PDE11A: variants seen among roughly 807,000 people sequenced by gnomAD.
PDE11A encodes dual 3',5'-cyclic-AMP and -GMP phosphodiesterase 11A.
Under a neutral mutation model 100.5 loss-of-function variants are expected in PDE11A, and 100 were observed. That is an observed-to-expected ratio of 1.00 (90% CI 0.85 to 1.18). The LOEUF (loss-of-function observed/expected upper bound fraction) is 1.18. PDE11A is among the 50% of genes most tolerant of loss of function. The probability of loss-of-function intolerance (pLI) is 0.00; values close to 1 mark genes in which losing one functional copy is unlikely to be tolerated. For synonymous variants in PDE11A, 381 were observed against 420.8 expected (o/e 0.91, Z 1.16); for missense variants, 1,141 against 1,152.6 (o/e 0.99, Z 0.15).
intron 2 of PDE11A, among the ~76,000 whole-genome samples, chr2:177,958,337 A>T (rs2085591994): frequency 6.6e-6 from 1 of 152,240 alleles, no homozygotes; most frequent in Non-Finnish European, 1.5e-5. Context: ...AGGCCATCCC[A>T]AGAATAGTGC....
chr2:177,785,361 C>G (rs1032157644), intron 9 of PDE11A, among the ~76,000 whole-genome samples: 1 of 149,590 alleles, frequency 6.7e-6, no homozygotes, highest in African/African-American at 2.5e-5. Flanking sequence ...AATCAAATAG[C>G]AAGTTATGTT....
At chr2:178,062,838 C>G (rs1257829672) in intron 1 of PDE11A, among the ~76,000 whole-genome samples, 5 of 151,916 alleles carry the variant, frequency 3.3e-5, no homozygotes, top group Non-Finnish European at 7.4e-5. Flanking sequence ...TCATCATTTC[C>G]AAACACAAAA....
chr2:178,075,983 C>A (rs941664143), upstream of PDE11A, among the ~76,000 whole-genome samples: 1 of 152,132 alleles, frequency 6.6e-6, no homozygotes, highest in South Asian at 2.1e-4. Flanking sequence ...CTAATTCCAT[C>A]GAAACTATCT....
intron 2 of PDE11A, among the ~76,000 whole-genome samples, chr2:177,981,117 A>T (rs184946356): frequency 3.3e-5 from 5 of 150,672 alleles, no homozygotes; most frequent in African/African-American, 1.2e-4. Context: ...CCAGTAAGCT[A>T]GTTATCTTGA....
chr2:177,923,627 G>C (rs1162854112), intron 2 of PDE11A, among the ~76,000 whole-genome samples: 1 of 152,180 alleles, frequency 6.6e-6, no homozygotes. Context: ...GCTTTGAGTA[G>C]AGCTTTGGGC....
intron 5 of PDE11A, among the ~76,000 whole-genome samples, chr2:177,860,870 G>C (rs1212116025): frequency 6.6e-6 from 1 of 151,750 alleles, no homozygotes; most frequent in African/African-American, 2.4e-5. Context: ...AAAAGCATTT[G>C]ACAAAATCCA....
intron 2 of PDE11A, among the ~76,000 whole-genome samples, chr2:177,996,494 C>T (rs752163363): frequency 2.9e-4 from 43 of 149,722 alleles, no homozygotes; most frequent in Non-Finnish European, 5.6e-4. Flanking sequence ...TATGTATATA[C>T]ACACATATAC....
At chr2:177,646,417 A>T (rs1335005072) in intron 19 of PDE11A, among the ~76,000 whole-genome samples, 5 of 152,212 alleles carry the variant, frequency 3.3e-5, no homozygotes, top group Non-Finnish European at 7.3e-5. Context: ...GGAGTTCTTC[A>T]TATGTGACCT....
chr2:178,061,076 T>C (rs2086963100), intron 1 of PDE11A, among the ~76,000 whole-genome samples: 1 of 151,462 alleles, frequency 6.6e-6, no homozygotes, highest in South Asian at 2.1e-4. Context: ...CCCAAGTAGC[T>C]GGGACTACAG....
intron 2 of PDE11A, among the ~76,000 whole-genome samples, chr2:177,957,951 A>T (rs933959837): frequency 3.5e-4 from 39 of 112,328 alleles, no homozygotes; most frequent in African/African-American, 1.6e-3. Flanking sequence ...CCCAGGCTGG[A>T]GTGCAGTGGC....
intron 9 of PDE11A, among the ~76,000 whole-genome samples, chr2:177,788,445 C>G (rs2082574720): frequency 6.6e-6 from 1 of 151,154 alleles, no homozygotes; most frequent in Non-Finnish European, 1.5e-5. Context: ...GGGAAAGATC[C>G]AAAATTAACA....
At chr2:177,894,451 A>G (rs1558995404) in intron 4 of PDE11A, among the ~76,000 whole-genome samples, 1 of 152,096 alleles carries the variant, frequency 6.6e-6, no homozygotes, top group Non-Finnish European at 1.5e-5. Context: ...CATTCTCACT[A>G]TAAACTAAAA....
intron 9 of PDE11A, among the ~76,000 whole-genome samples, chr2:177,792,458 C>T (rs933795314): frequency 1.3e-5 from 2 of 152,100 alleles, no homozygotes; most frequent in Non-Finnish European, 2.9e-5. Context: ...TTCCTCTCCC[C>T]CCATGGTTTT....
At chr2:177,901,830 T>G (rs1049342805) in intron 3 of PDE11A, among the ~76,000 whole-genome samples, 13 of 152,220 alleles carry the variant, frequency 8.5e-5, no homozygotes, top group Admixed American at 6.5e-5. Context: ...TTATTTAACT[T>G]TTCAATTTGT....
At chr2:178,020,952 TG>T (rs2086403381) in intron 1 of PDE11A, among the ~76,000 whole-genome samples, 1 of 150,670 alleles carries the variant, frequency 6.6e-6, no homozygotes, top group Non-Finnish European at 1.5e-5. Context: ...TGTGTGTGTG[TG>T]TGTGTGTGTG....
chr2:177,837,574 C>T (rs569514863), intron 6 of PDE11A, among the ~76,000 whole-genome samples: 9 of 151,322 alleles, frequency 5.9e-5, no homozygotes, highest in African/African-American at 9.7e-5. Context: ...CCCGGGTTTA[C>T]GGAGAATGAG....
rs758752342 is a variant in PDE11A, at chr2:177,634,386, C to CTTTTTTTTTTTTTTTTTTTTTTTT, written c.2647-4825_2647-4824insAAAAAAAAAAAAAAAAAAAAAAAA. Among the ~76,000 whole-genome samples, 2 of 59,384 alleles carry CTTTTTTTTTTTTTTTTTTTTTTTT rather than the reference C, an allele frequency of 3.4e-5. 1 individual carries two copies. The allele number at this position is 59,384 out of a possible 152,430, so 39.0% of individuals were successfully genotyped here. On this transcript the variant is annotated intron_variant, in intron 19 of 19. Coordinates refer to ENST00000286063, the MANE Select transcript of PDE11A (RefSeq NM_016953.4). Reference sequence around the variant, plus strand: ...TATCTTGAAAACTTACTTTTTCTCTCTCTCTTTTTTTTTTTTTTGTGAGAA... The same window carrying CTTTTTTTTTTTTTTTTTTTTTTTT: ...TATCTTGAAAACTTACTTTTTCTCTCTTTTTTTTTTTTTTTTTTTTTTTTTCTCTTTTTTTTTTTTTTGTGAGAA...
intron 8 of PDE11A, 152 bp downstream of exon 8, chr2:177,817,706 C>A: frequency 1.7e-6 from 1 of 603,892 alleles, no homozygotes. Context: ...CTCACTTAAG[C>A]ATTTACATAT....
intron 6 of PDE11A, among the ~76,000 whole-genome samples, chr2:177,822,729 T>A (rs1365084153): frequency 6.6e-6 from 1 of 152,144 alleles, no homozygotes; most frequent in African/African-American, 2.4e-5. Flanking sequence ...AAATATCCCT[T>A]AATTTATTTA....
Sources: allele counts gnomAD v4.1 joint callset (sites outside exome capture counted in the v4.1 genomes callset), GRCh38; gene constraint gnomAD v4.1.1; transcripts MANE v1.5; gene names NCBI Gene and HGNC (gene_info 2026-07-23, HGNC 2026-07-21).